Variants in EMSY observed in about 807,000 individuals in gnomAD.
The protein encoded by EMSY is BRCA2-interacting transcriptional repressor EMSY.
A neutral mutation model predicts 134.6 loss-of-function variants in EMSY; 26 were observed. That is an observed-to-expected ratio of 0.19 (90% CI 0.14 to 0.27). The LOEUF (loss-of-function observed/expected upper bound fraction) is 0.27. Ranked by LOEUF, EMSY falls within the 10% of genes least tolerant of loss-of-function variation. The pLI is 1.00. For missense variants in EMSY, 1,305 were observed against 1,611.4 expected (o/e 0.81, Z 3.26); for synonymous variants, 579 against 577.8 (o/e 1.00, Z -0.03).
chr11:76,515,540 T>A (rs1950422645), intron 10 of EMSY, among the ~76,000 whole-genome samples: 1 of 152,060 alleles, frequency 6.6e-6, no homozygotes, highest in African/African-American at 2.4e-5. Flanking sequence ...ATAGAGAAAA[T>A]TTTAGGCTAA....
intron 9 of EMSY, among the ~76,000 whole-genome samples, chr11:76,500,544 C>T (rs1949821267): frequency 6.6e-6 from 1 of 152,134 alleles, no homozygotes; most frequent in Non-Finnish European, 1.5e-5. Flanking sequence ...GAAGAAATAT[C>T]AAAAATGAAC....
chr11:76,470,159 G>A (rs1398343078), intron 7 of EMSY, among the ~76,000 whole-genome samples: 1 of 152,078 alleles, frequency 6.6e-6, no homozygotes. Context: ...AGTAAATTTT[G>A]ACTGACTCAC....
At chr11:76,545,797 G>A (rs2136806791) in exon 20 of EMSY, 1 of 1,596,482 alleles carries the variant, frequency 6.3e-7, no homozygotes, top group Non-Finnish European at 8.5e-7. Context: ...TTATTTTCAG[G>A]TGGAGCAGCC....
At chr11:76,466,486 TA>T (rs202177967) in intron 7 of EMSY, among the ~76,000 whole-genome samples, 1 of 151,630 alleles carries the variant, frequency 6.6e-6, no homozygotes, top group Non-Finnish European at 1.5e-5. Flanking sequence ...TTTTCCCTTT[TA>T]AAAAAAAATC....
intron 9 of EMSY, among the ~76,000 whole-genome samples, chr11:76,500,018 A>C (rs888241368): frequency 6.6e-6 from 1 of 150,958 alleles, no homozygotes; most frequent in East Asian, 2.0e-4. Flanking sequence ...TTGAGGTTGC[A>C]GTGAGCTATG....
At chr11:76,551,892 A>AT (rs2136948109), downstream of EMSY, 1 of 152,268 alleles carries the variant, frequency 6.6e-6, no homozygotes, top group South Asian at 2.1e-4. Flanking sequence ...TTACTTACAG[A>AT]TTAAGTTTTT....
chr11:76,506,209 C>T (rs996528920), intron 9 of EMSY, among the ~76,000 whole-genome samples: 7 of 151,944 alleles, frequency 4.6e-5, no homozygotes, highest in East Asian at 1.9e-4. Context: ...ACACATAATG[C>T]TCAAAGAAAA....
intron 10 of EMSY, among the ~76,000 whole-genome samples, chr11:76,515,142 G>C (rs73495405): frequency 7.5e-6 from 1 of 134,070 alleles, no homozygotes; most frequent in African/African-American, 2.8e-5. Context: ...TGTTCCTCCC[G>C]TTCTCCCTTT....
chr11:76,522,744 T>G (rs1671128227), intron 11 of EMSY, among the ~76,000 whole-genome samples: 2 of 152,232 alleles, frequency 1.3e-5, no homozygotes, highest in Non-Finnish European at 2.9e-5. Context: ...TATGTAAATT[T>G]AAGCATTTAC....
At chr11:76,531,859 C>T (rs553711706) in intron 14 of EMSY, among the ~76,000 whole-genome samples, 108 of 152,176 alleles carry the variant, frequency 7.1e-4, no homozygotes, top group African/African-American at 2.5e-3. Context: ...TACACAAGTC[C>T]TGGAATAAGG....
At chr11:76,469,093 T>A (rs1209192371) in intron 7 of EMSY, among the ~76,000 whole-genome samples, 1 of 152,184 alleles carries the variant, frequency 6.6e-6, no homozygotes, top group African/African-American at 2.4e-5. Flanking sequence ...GATCTTATCA[T>A]TTGTATCTGT....
At chr11:76,543,702 A>G (rs1050207707) in intron 18 of EMSY, among the ~76,000 whole-genome samples, 18 of 152,144 alleles carry the variant, frequency 1.2e-4, no homozygotes, top group African/African-American at 4.3e-4. Context: ...GAGGAATGCT[A>G]GTCGAGAGGT....
chr11:76,502,456 A>G (rs1013743371), intron 9 of EMSY, among the ~76,000 whole-genome samples: 6 of 149,982 alleles, frequency 4.0e-5, no homozygotes, highest in African/African-American at 1.2e-4. Flanking sequence ...ATATTATTAA[A>G]AAAAAAAAAG....
At chr11:76,476,251 C>A (rs903480353) in intron 8 of EMSY, among the ~76,000 whole-genome samples, 3 of 152,186 alleles carry the variant, frequency 2.0e-5, no homozygotes, top group Non-Finnish European at 4.4e-5. Flanking sequence ...TTTTAAGAGA[C>A]ACATAATGTC....
At chr11:76,502,373 AT>A (rs1305430618) in intron 9 of EMSY, among the ~76,000 whole-genome samples, 7 of 143,368 alleles carry the variant, frequency 4.9e-5, no homozygotes, top group African/African-American at 1.5e-4. Context: ...CCTTTATATT[AT>A]TTTTTTTTAA....
intron 9 of EMSY, among the ~76,000 whole-genome samples, chr11:76,498,519 T>C (rs1442320533): frequency 6.6e-6 from 1 of 152,256 alleles, no homozygotes; most frequent in Non-Finnish European, 1.5e-5. Context: ...TATTGTTTGA[T>C]GCATACATAT....
chr11:76,512,751 C>T (rs1950322811), intron 9 of EMSY, among the ~76,000 whole-genome samples: 1 of 151,068 alleles, frequency 6.6e-6, no homozygotes, highest in Admixed American at 6.6e-5. Context: ...AAATCACCAC[C>T]CTAGCACTTT....
At chr11:76,472,582 T>G in exon 8 of EMSY, 1 of 1,614,008 alleles carries the variant, frequency 6.2e-7, no homozygotes, top group East Asian at 2.2e-5. Context: ...AGTCACCACA[T>G]CACCAAGCTC....
At chr11:76,492,165 T>A (rs1240658652) in intron 8 of EMSY, among the ~76,000 whole-genome samples, 1 of 152,226 alleles carries the variant, frequency 6.6e-6, no homozygotes, top group Non-Finnish European at 1.5e-5. Flanking sequence ...TTTTATGTGT[T>A]GAAGACATGG....
Sources: gnomAD v4.1 joint callset for allele counts (sites outside exome capture counted in the v4.1 genomes callset) on GRCh38, gnomAD v4.1.1 for gene constraint, MANE v1.5 for transcripts, NCBI Gene and HGNC (gene_info 2026-07-23, HGNC 2026-07-21) for gene names.